Variants in MALRD1 observed in about 807,000 individuals in gnomAD.
MALRD1 encodes the protein MAM and LDL-receptor class A domain-containing protein 1.
In MALRD1, 247 loss-of-function variants were observed where a neutral mutation model predicts 242.1. That is an observed-to-expected ratio of 1.02 (90% CI 0.92 to 1.13). The LOEUF is 1.13. Ranked by LOEUF, MALRD1 falls within the 50% of genes most tolerant of loss-of-function variation. MALRD1 has a pLI of 0.00. For missense variants in MALRD1, 2,989 were observed against 2,533.1 expected (o/e 1.18, Z -3.86); for synonymous variants, 995 against 866.6 (o/e 1.15, Z -2.60).
At position 19,700,738 on chromosome 10, in the gene MALRD1, C is replaced by G. The variant is rs527255312; in HGVS notation, c.6314+8184C>G. On this transcript the variant is annotated intron_variant, in intron 38 of 39. Transcript: ENST00000454679. ...ATCTCCAAACAAAAGGCTTTTTTCC[C>G]TATGACTGCCAAAAACAATTATCAC... 1.4e-4 allele frequency among the ~76,000 whole-genome samples: 22 copies of G among 152,190 alleles called. 1 individual carries two copies. In the East Asian group the frequency reaches 4.1e-3, roughly 28 times the overall value.
chr10:19,264,121 G>T (rs552595372), intron 19 of MALRD1, among the ~76,000 whole-genome samples: 19 of 152,160 alleles, frequency 1.2e-4, no homozygotes, highest in African/African-American at 4.3e-4. Context: ...TTCCTAATTT[G>T]TTTGGAGTTT....
At chr10:19,670,066 GCACACACACACACACA>G (rs3071775) in intron 36 of MALRD1, among the ~76,000 whole-genome samples, 1 of 148,254 alleles carries the variant, frequency 6.7e-6, no homozygotes, top group African/African-American at 2.5e-5. Context: ...CCTCGCACGT[GCACACACACACACACA>G]CACACACACA....
At chr10:19,269,207 AC>A (rs1186541053) in intron 19 of MALRD1, among the ~76,000 whole-genome samples, 1 of 152,210 alleles carries the variant, frequency 6.6e-6, no homozygotes, top group African/African-American at 2.4e-5. Context: ...ATATCTTGAA[AC>A]CTTAATCCCC....
intron 4 of MALRD1, among the ~76,000 whole-genome samples, chr10:19,094,161 C>T (rs1032220501): frequency 9.3e-6 from 1 of 107,868 alleles, no homozygotes; most frequent in African/African-American, 3.8e-5. Flanking sequence ...CTAAGCAAGC[C>T]TGGGCAATGG....
Position 19,205,265 on chromosome 10 carries a change from G to A in MALRD1, c.2578G>A (p.Ala860Thr). Reference sequence around the variant, plus strand: ...TGATCGTACTGATGAAGTCAACTGTGGTAAGTTCTTTTTGGTTGGGGGATT... The same window carrying A: ...TGATCGTACTGATGAAGTCAACTGTAGTAAGTTCTTTTTGGTTGGGGGATT... The part of the protein sequence containing the change: ...CGDRTDEVNC[A>T]PELQCNFETG... Residue 860 changes from alanine to threonine, a missense_variant and splice_region_variant, in exon 17 of 40, where the codon GCA (alanine) becomes ACA (threonine). By Grantham distance (58) the Ala-to-Thr change is moderately conservative. Coordinates refer to ENST00000454679, the MANE Select transcript of MALRD1 (RefSeq NM_001142308.3). The A allele has an allele frequency of 1.3e-6, 2 of 1,535,336 alleles. No homozygotes were observed. Among genetic ancestry groups the A allele is most frequent in the Non-Finnish European group, 1.8e-6 (2 of 1,139,674 alleles).
intron 21 of MALRD1, among the ~76,000 whole-genome samples, chr10:19,305,736 C>G (rs1842134226): frequency 6.9e-6 from 1 of 145,956 alleles, no homozygotes; most frequent in Non-Finnish European, 1.5e-5. Flanking sequence ...AGCATTCAAC[C>G]AATTCTATAT....
chr10:19,729,936 A>G (rs2131938353), intron 38 of MALRD1, among the ~76,000 whole-genome samples: 1 of 151,274 alleles, frequency 6.6e-6, no homozygotes, highest in African/African-American at 2.4e-5. Flanking sequence ...ACGGGGTTTC[A>G]CCGTGTTAGC....
chr10:19,545,524 A>G (rs1160046738), intron 32 of MALRD1, among the ~76,000 whole-genome samples: 6 of 150,996 alleles, frequency 4.0e-5, no homozygotes, highest in Non-Finnish European at 8.8e-5. Flanking sequence ...GCTAATATCC[A>G]GTACCTGCCT....
rs111346429 is a variant in MALRD1, at chr10:19,187,798, A to G, written c.1951+12470A>G. ...GACATAAATATGGAGACAATAGACA[A>G]TGGACTACAGGAGGGTGGAGAGGTG... On this transcript the variant is annotated intron_variant, in intron 14 of 39. Coordinates refer to ENST00000454679, the MANE Select transcript of MALRD1 (RefSeq NM_001142308.3). Among the ~76,000 whole-genome samples the G allele has an allele frequency of 6.9e-3, 1,054 of 152,248 alleles. 14 individuals are homozygous for G. Among genetic ancestry groups the G allele is most frequent in the African/African-American group, 0.024 (985 of 41,538 alleles).
chr10:19,382,721 G>C (rs1845891238), intron 26 of MALRD1, among the ~76,000 whole-genome samples: 1 of 151,932 alleles, frequency 6.6e-6, no homozygotes. Flanking sequence ...TAAATATATG[G>C]AACCCTCAAC....
intron 29 of MALRD1, among the ~76,000 whole-genome samples, chr10:19,461,098 C>A (rs527427073): frequency 3.2e-4 from 49 of 152,066 alleles, no homozygotes; most frequent in Non-Finnish European, 6.0e-4. Context: ...AAGTGACAAT[C>A]AAGACAATGG....
intron 32 of MALRD1, among the ~76,000 whole-genome samples, chr10:19,556,648 G>A (rs775114648): frequency 4.6e-5 from 7 of 152,052 alleles, no homozygotes; most frequent in Admixed American, 1.3e-4. Context: ...GCCAGAGTTC[G>A]TTTATTCACC....
At chr10:19,447,099 C>CACAT (rs1388880485) in intron 28 of MALRD1, among the ~76,000 whole-genome samples, 1 of 147,336 alleles carries the variant, frequency 6.8e-6, no homozygotes, top group African/African-American at 2.5e-5. Flanking sequence ...CACACACACA[C>CACAT]ACAGAGCATG....
chr10:19,055,408 G>A (rs76556175), intron 1 of MALRD1, among the ~76,000 whole-genome samples: 8,593 of 152,010 alleles, frequency 0.057, 333 homozygotes, highest in East Asian at 0.18. Context: ...AGTTTGATGC[G>A]GTCCTATTTG....
chr10:19,262,095 A>G (rs1438526736), intron 19 of MALRD1, among the ~76,000 whole-genome samples: 1 of 152,070 alleles, frequency 6.6e-6, no homozygotes, highest in Non-Finnish European at 1.5e-5. Flanking sequence ...TCTCTCTCAT[A>G]TTCTGAGCTA....
rs373951096 is a variant in MALRD1, at chr10:19,567,763, A to C, written c.5680+60A>C. 2.4e-5 allele frequency: 33 copies of C among 1,389,916 alleles called. No homozygotes were observed. The East Asian group carries it at 5.7e-4, about 24-fold the overall frequency. 86.1% of individuals were successfully genotyped at this position (1,389,916 alleles called of 1,614,324 possible). ...TTGTTTTTAGTATCTAAATATACTA[A>C]AGATTTGGGAATTTCTGAGGAATTA... On this transcript the variant is annotated intron_variant, in intron 33 of 39. Coordinates refer to ENST00000454679, the MANE Select transcript of MALRD1 (RefSeq NM_001142308.3).
chr10:19,281,879 C>T (rs1463755415), intron 20 of MALRD1, among the ~76,000 whole-genome samples: 1 of 146,316 alleles, frequency 6.8e-6, no homozygotes, highest in Admixed American at 7.2e-5. Context: ...GAGGCTGAAG[C>T]AGGACAATTG....
intron 26 of MALRD1, among the ~76,000 whole-genome samples, chr10:19,381,564 A>T (rs938006611): frequency 2.6e-5 from 4 of 151,862 alleles, no homozygotes; most frequent in Admixed American, 2.0e-4. Context: ...ACGGTGGCTC[A>T]CGCTTGTAAT....
intron 28 of MALRD1, among the ~76,000 whole-genome samples, chr10:19,418,766 A>G (rs1833606697): frequency 6.6e-6 from 1 of 152,214 alleles, no homozygotes; most frequent in Non-Finnish European, 1.5e-5. Flanking sequence ...AGGTCAATAA[A>G]TTGTGATTGT....
Sources: gnomAD v4.1 joint callset for allele counts (sites outside exome capture counted in the v4.1 genomes callset) on GRCh38, gnomAD v4.1.1 for gene constraint, MANE v1.5 for transcripts, NCBI Gene and HGNC (gene_info 2026-07-23, HGNC 2026-07-21) for gene names.